KLHL29: variants seen among roughly 807,000 people sequenced by gnomAD.
KLHL29 encodes the protein kelch like family member 29, also known as kelch-like protein 29.
Under a neutral mutation model 80.4 loss-of-function variants are expected in KLHL29, and 21 were observed. That is an observed-to-expected ratio of 0.26 (90% CI 0.19 to 0.38). The LOEUF (loss-of-function observed/expected upper bound fraction) is 0.38. Ranked by LOEUF, KLHL29 falls within the 10% of genes least tolerant of loss-of-function variation. KLHL29 has a pLI of 1.00. For missense variants in KLHL29, 867 were observed against 1,223.9 expected (o/e 0.71, Z 4.35); for synonymous variants, 511 against 526.8 (o/e 0.97, Z 0.41).
At chr2:23,657,685 G>C (rs866304165) in intron 5 of KLHL29, among the ~76,000 whole-genome samples, 1 of 152,228 alleles carries the variant, frequency 6.6e-6, no homozygotes, top group East Asian at 1.9e-4. Context: ...CTGGGAGGGA[G>C]GTTGGGACTC....
intron 1 of KLHL29, among the ~76,000 whole-genome samples, chr2:23,447,124 T>G (rs1287649805): frequency 1.3e-5 from 2 of 152,238 alleles, no homozygotes; most frequent in Non-Finnish European, 2.9e-5. Context: ...CATTTGCTTT[T>G]GACTTTGTTG....
At chr2:23,438,860 G>C (rs1663424986) in intron 1 of KLHL29, among the ~76,000 whole-genome samples, 1 of 151,526 alleles carries the variant, frequency 6.6e-6, no homozygotes. Flanking sequence ...TTTTTCTATT[G>C]ATTGGAATAG....
chr2:23,450,796 G>A (rs1029655122), intron 1 of KLHL29, among the ~76,000 whole-genome samples: 4 of 152,110 alleles, frequency 2.6e-5, no homozygotes, highest in Non-Finnish European at 4.4e-5. Context: ...CAATTCAGTG[G>A]TTTTTAATAT....
rs76115410 is a variant in KLHL29 at position 23,451,948 on chromosome 2, A to T, written c.-153-23612A>T. Among the ~76,000 whole-genome samples the T allele has an allele frequency of 2.0e-4, 30 of 152,286 alleles. No individual in the cohort carries two copies. The East Asian group carries it at 4.6e-3, about 24-fold the overall frequency. On this transcript the variant is annotated intron_variant, in intron 1 of 13. Transcript: ENST00000486442. ...TCAGGATGCTTCTAATCAGGGCAGA[A>T]GGCGAAGAGGGAGCAGGCTGTCACA...
At chr2:23,705,451 C>T (rs989705903) in intron 13 of KLHL29, among the ~76,000 whole-genome samples, 29 of 151,634 alleles carry the variant, frequency 1.9e-4, no homozygotes, top group Non-Finnish European at 1.9e-4. Flanking sequence ...GAGATCACAC[C>T]ACTGCACTCC....
intron 1 of KLHL29, among the ~76,000 whole-genome samples, chr2:23,426,875 A>C (rs1663018403): frequency 6.6e-6 from 1 of 152,212 alleles, no homozygotes; most frequent in Non-Finnish European, 1.5e-5. Context: ...GGTGAAGTAC[A>C]CATGACGCAC....
At chr2:23,638,098 A>AAAAAT (rs1324837398) in intron 3 of KLHL29, among the ~76,000 whole-genome samples, 1 of 151,272 alleles carries the variant, frequency 6.6e-6, no homozygotes, top group Non-Finnish European at 1.5e-5. Context: ...AAAAAAAAAA[A>AAAAAT]AAAGACAAAT....
At chr2:23,589,505 A>G (rs1395249344) in intron 3 of KLHL29, among the ~76,000 whole-genome samples, 2 of 152,114 alleles carry the variant, frequency 1.3e-5, no homozygotes, top group Non-Finnish European at 2.9e-5. Context: ...TCCACTCCAC[A>G]CTGCTGTGGA....
At chr2:23,486,765 G>A (rs1422053401) in intron 2 of KLHL29, among the ~76,000 whole-genome samples, 3 of 152,170 alleles carry the variant, frequency 2.0e-5, no homozygotes, top group African/African-American at 7.2e-5. Flanking sequence ...CTCACCTCTG[G>A]TGTCAACAGG....
chr2:23,611,148 G>A (rs1266276810), intron 3 of KLHL29, among the ~76,000 whole-genome samples: 1 of 152,210 alleles, frequency 6.6e-6, no homozygotes, highest in Non-Finnish European at 1.5e-5. Flanking sequence ...CCATTGTCTT[G>A]AAGGCATTGG....
intron 1 of KLHL29, among the ~76,000 whole-genome samples, chr2:23,419,831 G>A (rs1662735125): frequency 6.6e-6 from 1 of 152,056 alleles, no homozygotes; most frequent in Non-Finnish European, 1.5e-5. Flanking sequence ...CTGGCTCATA[G>A]GTCATTTGTT....
rs778303428 is a variant in KLHL29, at chr2:23,409,585, A to G, written c.-154+23805A>G. Among the ~76,000 whole-genome samples, 76 of 152,344 alleles carry G rather than the reference A, an allele frequency of 5.0e-4. 1 individual carries two copies. Among genetic ancestry groups the G allele is most frequent in the Non-Finnish European group, 1.0e-3 (70 of 68,038 alleles). Reference sequence around the variant, plus strand: ...TCAGCAATTCCTCTGTGTTGTAACTATCTCCTATGAAGCCAGACTGTAAGG... The same window carrying G: ...TCAGCAATTCCTCTGTGTTGTAACTGTCTCCTATGAAGCCAGACTGTAAGG... On this transcript the variant is annotated intron_variant, in intron 1 of 13. Transcript: ENST00000486442.
intron 3 of KLHL29, among the ~76,000 whole-genome samples, chr2:23,591,064 G>C (rs971458687): frequency 1.3e-5 from 2 of 152,174 alleles, no homozygotes; most frequent in African/African-American, 4.8e-5. Context: ...AAAGAAGTCC[G>C]AGAGCGCCAG....
At chr2:23,520,471 G>T (rs990149373) in intron 2 of KLHL29, among the ~76,000 whole-genome samples, 1 of 152,176 alleles carries the variant, frequency 6.6e-6, no homozygotes, top group Admixed American at 6.5e-5. Flanking sequence ...AACAAAGCTG[G>T]CTGTGTTTGC....
intron 2 of KLHL29, among the ~76,000 whole-genome samples, chr2:23,532,210 G>A (rs748861): frequency 0.6 from 90,663 of 152,102 alleles, 27,152 homozygotes; most frequent in Middle Eastern, 0.63. Context: ...CATTTGACAT[G>A]TGCTGCCTGG....
chr2:23,590,133 T>A (rs1038700185), intron 3 of KLHL29, among the ~76,000 whole-genome samples: 11 of 152,186 alleles, frequency 7.2e-5, no homozygotes, highest in African/African-American at 2.7e-4. Context: ...TCACACAGCA[T>A]CTATGGAAGA....
chr2:23,468,097 AT>A (rs1558349090), intron 1 of KLHL29, among the ~76,000 whole-genome samples: 1 of 152,182 alleles, frequency 6.6e-6, no homozygotes, highest in Non-Finnish European at 1.5e-5. Flanking sequence ...ATGGTAGAAC[AT>A]TCAACTCTCA....
At chr2:23,628,753 C>G (rs1328432417) in intron 3 of KLHL29, among the ~76,000 whole-genome samples, 1 of 152,056 alleles carries the variant, frequency 6.6e-6, no homozygotes, top group Non-Finnish European at 1.5e-5. Context: ...GGCCCCACAC[C>G]GGCCCATAGC....
At chr2:23,656,285 C>T (rs1014144164) in intron 5 of KLHL29, among the ~76,000 whole-genome samples, 17 of 152,120 alleles carry the variant, frequency 1.1e-4, no homozygotes, top group Admixed American at 7.2e-4. Flanking sequence ...GATGCTGGCC[C>T]GGAGGAGGTG....
Sources: allele counts gnomAD v4.1 joint callset (sites outside exome capture counted in the v4.1 genomes callset), GRCh38; gene constraint gnomAD v4.1.1; transcripts MANE v1.5; gene names NCBI Gene and HGNC (gene_info 2026-07-23, HGNC 2026-07-21).